Variants in DDX39A observed in about 807,000 individuals in gnomAD.
DDX39A encodes DExD-box helicase 39A.
In DDX39A, 13 loss-of-function variants were observed where a neutral mutation model predicts 46.3. The observed-to-expected ratio is 0.28, with a 90% CI of 0.18 to 0.45. The LOEUF (loss-of-function observed/expected upper bound fraction) is 0.45. Ranked by LOEUF, DDX39A falls within the 20% of genes least tolerant of loss-of-function variation. The pLI is 1.00. For missense variants in DDX39A, 352 were observed against 581.8 expected (o/e 0.61, Z 4.06); for synonymous variants, 234 against 224.6 (o/e 1.04, Z -0.38).
In DDX39A at chr19:14,415,305, T is replaced by C. The variant is rs1037488124; in HGVS notation, c.-4-2081A>G. Among the ~76,000 whole-genome samples, 24 of 152,162 alleles carry C rather than the reference T, an allele frequency of 1.6e-4. No individual in the cohort carries two copies. In the South Asian group the frequency reaches 3.9e-3, roughly 25 times the overall value. ...ATCATCAGTACTCCCTTCCTTTTTT[T>C]TCCCCCCTCTTTGAGACAAGGTCTT... On this transcript the variant is annotated intron_variant, in intron 1 of 10. Coordinates refer to ENST00000242776, the MANE Select transcript of DDX39A (RefSeq NM_005804.4).
chr19:14,409,760 A>G lies in DDX39A; in HGVS notation c.846T>C (p.Asp282=). ...GTATCACCTGGTTAAACTCCAGCAC[A>G]TCCAAGAGATCAAAGAGCTTGCGGT... is the stretch of plus-strand genomic sequence containing the variant. ...EKNRKLFDLL[D]VLEFNQVIIF... is the part of the protein sequence containing the mutation. Residue 282 remains aspartate, a synonymous_variant, in exon 7 of 11, where the codon GAT becomes GAC. Transcript: ENST00000242776. The surrounding 1 kb of genome is among the most constrained non-coding windows in gnomAD (Gnocchi z 8.3). 1 of 1,614,156 alleles carries G rather than the reference A, an allele frequency of 6.2e-7. No individual in the cohort carries two copies. Among genetic ancestry groups the G allele is most frequent in the Non-Finnish European group, 8.5e-7 (1 of 1,180,034 alleles).
rs370808421 is a variant in DDX39A at position 14,419,311 on chromosome 19, C to A, written c.-46G>T. 7 of 231,022 alleles carry A rather than the reference C, an allele frequency of 3.0e-5. No individual in the cohort carries two copies. The highest frequency in any genetic ancestry group is 1.9e-4 in the South Asian group (5 of 25,960). The allele number at this position is 231,022 out of a possible 1,614,324, so 14.3% of individuals were successfully genotyped here. On this transcript the variant is annotated 5_prime_UTR_variant, in exon 1 of 11. Transcript: ENST00000242776. ...CTCCGCGCGCTGCTAAGAGACACTT[C>A]CAACTTCGGTTTTCCGCCGGGCGCT...
In DDX39A at chr19:14,413,216, G is replaced by C. The variant is rs938759560; in HGVS notation, c.5C>G (p.Ala2Gly). The change falls in exon 2 of 11, where the codon GCA becomes GGA. Residue 2 changes from alanine to glycine, a missense_variant. Physicochemically the swap from Ala to Gly is moderately conservative, Grantham distance 60. This residue lies in a region of DDX39A where 46 missense variants were observed against 78.2 expected (regional missense o/e 0.59). Coordinates refer to ENST00000242776, the MANE Select transcript of DDX39A (RefSeq NM_005804.4). Reference protein sequence around the residue: MAEQDVENDLLD... With the variant: MGEQDVENDLLD... The stretch of plus-strand genomic sequence containing the variant: ...AAGATCGTTTTCCACATCCTGTTCT[G>C]CCATGATGCTGAGAAGAGAGAGAGG... 1.2e-6 allele frequency: 2 copies of C among 1,613,718 alleles called. No individual in the cohort carries two copies. The highest frequency in any genetic ancestry group is 1.7e-6 in the Non-Finnish European group (2 of 1,179,822).
At position 14,409,218 on chromosome 19, in the gene DDX39A, A is replaced by G; in HGVS notation, c.1120-34T>C. The G allele has an allele frequency of 2.5e-6, 4 of 1,613,878 alleles. No individual in the cohort carries two copies. Among genetic ancestry groups the G allele is most frequent in the Non-Finnish European group, 3.4e-6 (4 of 1,179,818 alleles). On this transcript the variant is annotated intron_variant, in intron 9 of 10. Transcript: ENST00000242776. This position sits in a 1 kb window ranked among gnomAD's most constrained non-coding sequence, Gnocchi z 8.3. ...AGACAGGATCAGGGTCAGGCCACAG[A>G]TACTACCTCAGGACTTGAGGAAAAG...
chr19:14,410,474 G>T lies in DDX39A; in HGVS notation c.614-140C>A. On this transcript the variant is annotated intron_variant, in intron 5 of 10. Transcript: ENST00000242776. The surrounding 1 kb of genome is among the most constrained non-coding windows in gnomAD (Gnocchi z 4.3). ...CGAGGGCAGAGTGAGCCGCGGGAGT[G>T]GCCAGTCCTGGTGCCTGAGGGGCTG... The T allele has an allele frequency of 1.4e-6, 1 of 723,210 alleles. No homozygotes were observed. Among genetic ancestry groups the T allele is most frequent in the Non-Finnish European group, 2.4e-6 (1 of 417,470 alleles). 44.8% of individuals were successfully genotyped at this position (723,210 alleles called of 1,614,324 possible). A position where few individuals can be genotyped will look rare whatever the true frequency, so the allele number is the denominator to read the frequency against.
chr19:14,410,165 AGGCTCCAGGCCCCT>A lies in DDX39A; in HGVS notation c.732+37_732+50del. On this transcript the variant is annotated intron_variant, in intron 6 of 10. Transcript: ENST00000242776. This position sits in a 1 kb window ranked among gnomAD's most constrained non-coding sequence, Gnocchi z 4.3. ...GGCCGTGCGGGTGTCCTGGGGCCCC[AGGCTCCAGGCCCCT>A]GGGGAAGGCCAAAGCTGCCACTCTC... The A allele has an allele frequency of 6.4e-7, 1 of 1,553,772 alleles. No homozygotes were observed. The highest frequency in any genetic ancestry group is 8.9e-7 in the Non-Finnish European group (1 of 1,127,298).
Position 14,411,134 on chromosome 19 carries a change from A to G in DDX39A, c.468T>C (p.Asp156=). Residue 156 remains aspartate (D), a synonymous_variant, in exon 5 of 11, where the codon GAT becomes GAC. Coordinates refer to ENST00000242776, the MANE Select transcript of DDX39A (RefSeq NM_005804.4). This position sits in a 1 kb window ranked among gnomAD's most constrained non-coding sequence, Gnocchi z 4.1. ...VFFGGLSIKK[D]EEVLKKNCPH... ...GACAGTTCTTCTTCAACACTTCTTC[A>G]TCCTTCTTGATGGAGAGACCACCGA... The G allele has an allele frequency of 6.2e-7, 1 of 1,601,754 alleles. No individual in the cohort carries two copies. The highest frequency in any genetic ancestry group is 8.5e-7 in the Non-Finnish European group (1 of 1,175,200).
intron 1 of DDX39A, among the ~76,000 whole-genome samples, chr19:14,414,936 T>TA (rs1006829482): frequency 0.045 from 3,275 of 72,596 alleles, 152 homozygotes; most frequent in African/African-American, 0.12. Context: ...CACTCCAGCC[T>TA]AAAAAAAAAA....
chr19:14,414,974 ATATT>A (rs1976749575), intron 1 of DDX39A, among the ~76,000 whole-genome samples: 1 of 151,480 alleles, frequency 6.6e-6, no homozygotes, highest in South Asian at 2.1e-4. Context: ...CTTCACAGAG[ATATT>A]TACATGCTAT....
At position 14,411,106 on chromosome 19, in the gene DDX39A, G is replaced by T. The variant is rs750392393; in HGVS notation, c.496C>A (p.His166Asn). The change falls in exon 5 of 11, where the codon CAT (histidine) becomes AAT (asparagine). Residue 166 changes from histidine to asparagine, a missense_variant. By Grantham distance (68) the His-to-Asn change is moderately conservative. Around this residue, in one of 3 missense-constraint regions of DDX39A, gnomAD observed 301 missense variants for 469.9 expected, o/e 0.64. Coordinates refer to ENST00000242776, the MANE Select transcript of DDX39A (RefSeq NM_005804.4). This position sits in a 1 kb window ranked among gnomAD's most constrained non-coding sequence, Gnocchi z 4.1. ...DEEVLKKNCP[H>N]VVVGTPGRIL... is the part of the protein sequence containing the mutation. ...CGGCCCGGGGTCCCCACCACGACAT[G>T]GGGACAGTTCTTCTTCAACACTTCT... 1.9e-6 allele frequency: 3 copies of T among 1,611,714 alleles called. No homozygotes were observed. In the African/African-American group the frequency reaches 4.0e-5, roughly 22 times the overall value.
In DDX39A at chr19:14,412,518, A is replaced by G. The variant is rs1163000327; in HGVS notation, c.336+33T>C. The G allele has an allele frequency of 1.9e-5, 31 of 1,595,346 alleles. No homozygotes were observed. Among genetic ancestry groups the G allele is most frequent in the Non-Finnish European group, 2.6e-5 (31 of 1,175,006 alleles). On this transcript the variant is annotated intron_variant, in intron 3 of 10. Coordinates refer to ENST00000242776, the MANE Select transcript of DDX39A (RefSeq NM_005804.4). This position sits in a 1 kb window ranked among gnomAD's most constrained non-coding sequence, Gnocchi z 4.4. ...CTACTCTACTTCCGCCGCCACAGGC[A>G]GGGTGGGGCCAGGAAGGGAGGAGCC...
Position 14,412,812 on chromosome 19 carries a change from G to A in DDX39A, c.209-134C>T, listed in dbSNP as rs1976647437. 1 of 1,349,274 alleles carries A rather than the reference G, an allele frequency of 7.4e-7. No individual in the cohort carries two copies. Among genetic ancestry groups the A allele is most frequent in the South Asian group, 1.4e-5 (1 of 71,676 alleles). The allele number at this position is 1,349,274 out of a possible 1,614,324, so 83.6% of individuals were successfully genotyped here. A position where few individuals can be genotyped will look rare whatever the true frequency, so the allele number is the denominator to read the frequency against. ...CCGGACAAGGCCACAGACACCTGCA[G>A]GGCTGGGGTATCCGCCTGGTCAAAG... On this transcript the variant is annotated intron_variant, in intron 2 of 10. Coordinates refer to ENST00000242776, the MANE Select transcript of DDX39A (RefSeq NM_005804.4). This position sits in a 1 kb window ranked among gnomAD's most constrained non-coding sequence, Gnocchi z 4.4.
chr19:14,414,452 A>G (rs1255493704), intron 1 of DDX39A, among the ~76,000 whole-genome samples: 1 of 149,618 alleles, frequency 6.7e-6, no homozygotes, highest in Non-Finnish European at 1.5e-5. Flanking sequence ...TCCAGGGTTC[A>G]AGATTCTCCT....
At chr19:14,415,620 AT>A (rs1976781136) in intron 1 of DDX39A, among the ~76,000 whole-genome samples, 1 of 151,606 alleles carries the variant, frequency 6.6e-6, no homozygotes, top group African/African-American at 2.4e-5. Context: ...TGGTCACCTA[AT>A]GTTCCATCTC....
Position 14,410,778 on chromosome 19 carries a change from G to A in DDX39A, c.613+211C>T. ...TATGTGTGCATGCCTTTACGTCCAG[G>A]AGGGACGGGGGCTTGCTTGGGCCCC... On this transcript the variant is annotated intron_variant, in intron 5 of 10. Transcript: ENST00000242776. The surrounding 1 kb of genome is among the most constrained non-coding windows in gnomAD (Gnocchi z 4.3). 1 of 555,670 alleles carries A rather than the reference G, an allele frequency of 1.8e-6. No homozygotes were observed. The highest frequency in any genetic ancestry group is 2.5e-5 in the South Asian group (1 of 40,674). 34.4% of individuals were successfully genotyped at this position (555,670 alleles called of 1,614,324 possible).
At chr19:14,414,263 C>A (rs1376200886) in intron 1 of DDX39A, among the ~76,000 whole-genome samples, 1 of 151,960 alleles carries the variant, frequency 6.6e-6, no homozygotes, top group Non-Finnish European at 1.5e-5. Flanking sequence ...TGAATCCCAC[C>A]AAGGCCCTCT....
chr19:14,410,965 G>C lies in DDX39A; in HGVS notation c.613+24C>G. 1 of 1,523,390 alleles carries C rather than the reference G, an allele frequency of 6.6e-7. No homozygotes were observed. Among genetic ancestry groups the C allele is most frequent in the Non-Finnish European group, 8.8e-7 (1 of 1,131,440 alleles). The allele number at this position is 1,523,390 out of a possible 1,614,324, so 94.4% of individuals were successfully genotyped here. On this transcript the variant is annotated intron_variant, in intron 5 of 10. Coordinates refer to ENST00000242776, the MANE Select transcript of DDX39A (RefSeq NM_005804.4). The surrounding 1 kb of genome is among the most constrained non-coding windows in gnomAD (Gnocchi z 4.3). ...CCGCCTAGTCACTGACTCTCAGCTG[G>C]GGCTGCAAGGGCAGAGGACTCACCC...
At position 14,410,475 on chromosome 19, in the gene DDX39A, G is replaced by C; in HGVS notation, c.614-141C>G. The C allele has an allele frequency of 5.5e-6, 4 of 722,508 alleles. No individual in the cohort carries two copies. Among genetic ancestry groups the C allele is most frequent in the Non-Finnish European group, 9.6e-6 (4 of 416,970 alleles). 44.8% of individuals were successfully genotyped at this position (722,508 alleles called of 1,614,324 possible). A position where few individuals can be genotyped will look rare whatever the true frequency, so the allele number is the denominator to read the frequency against. On this transcript the variant is annotated intron_variant, in intron 5 of 10. Coordinates refer to ENST00000242776, the MANE Select transcript of DDX39A (RefSeq NM_005804.4). The surrounding 1 kb of genome is among the most constrained non-coding windows in gnomAD (Gnocchi z 4.3). The stretch of plus-strand genomic sequence containing the variant: ...GAGGGCAGAGTGAGCCGCGGGAGTG[G>C]CCAGTCCTGGTGCCTGAGGGGCTGG...
At position 14,412,816 on chromosome 19, in the gene DDX39A, TG is replaced by T; in HGVS notation, c.209-139del. 7.5e-7 allele frequency: 1 copy of T among 1,334,766 alleles called. No homozygotes were observed. 82.7% of individuals were successfully genotyped at this position (1,334,766 alleles called of 1,614,324 possible). A position where few individuals can be genotyped will look rare whatever the true frequency, so the allele number is the denominator to read the frequency against. On this transcript the variant is annotated intron_variant, in intron 2 of 10. Coordinates refer to ENST00000242776, the MANE Select transcript of DDX39A (RefSeq NM_005804.4). The surrounding 1 kb of genome is among the most constrained non-coding windows in gnomAD (Gnocchi z 4.4). The stretch of plus-strand genomic sequence containing the variant: ...ACAAGGCCACAGACACCTGCAGGGC[TG>T]GGGTATCCGCCTGGTCAAAGCAGAA...
Sources: allele counts gnomAD v4.1 joint callset (sites outside exome capture counted in the v4.1 genomes callset), GRCh38; gene constraint gnomAD v4.1.1; regional missense constraint gnomAD v4.1.1; non-coding constraint Gnocchi (gnomAD v3.1); transcripts MANE v1.5; gene names NCBI Gene and HGNC (gene_info 2026-07-23, HGNC 2026-07-21).